The following SLC9A9 variants were observed in gnomAD, a reference collection of about 807,000 sequenced individuals.
SLC9A9 encodes the protein solute carrier family 9 member A9.
In SLC9A9, 62 loss-of-function variants were observed where a neutral mutation model predicts 77.8. The ratio of observed to expected loss-of-function variants is 0.80; its 90% CI spans 0.65 to 0.98. The LOEUF (loss-of-function observed/expected upper bound fraction) is 0.98, where lower values mean the gene tolerates loss of function less well. Ranked by LOEUF, SLC9A9 falls within the 50% of genes least tolerant of loss-of-function variation. The pLI is 0.00. For missense variants in SLC9A9, 775 were observed against 774.9 expected (o/e 1.00, Z 0.00); for synonymous variants, 320 against 283.5 (o/e 1.13, Z -1.29).
intron 14 of SLC9A9, among the ~76,000 whole-genome samples, chr3:143,336,492 T>G (rs1177965895): frequency 6.6e-6 from 1 of 152,182 alleles, no homozygotes; most frequent in African/African-American, 2.4e-5. Flanking sequence ...GAAGCCCATA[T>G]GCTCATCAGT....
chr3:143,294,590 A>G (rs1246848137), intron 14 of SLC9A9, among the ~76,000 whole-genome samples: 1 of 152,224 alleles, frequency 6.6e-6, no homozygotes, highest in Non-Finnish European at 1.5e-5. Flanking sequence ...TTATAGACAA[A>G]GGAGGGCCTG....
intron 13 of SLC9A9, among the ~76,000 whole-genome samples, chr3:143,364,034 T>C (rs1270654666): frequency 1.3e-5 from 2 of 152,198 alleles, no homozygotes; most frequent in African/African-American, 2.4e-5. Flanking sequence ...GATATATTTC[T>C]GCCTAGATTA....
At chr3:143,311,494 C>T (rs2031016588) in intron 14 of SLC9A9, among the ~76,000 whole-genome samples, 1 of 152,188 alleles carries the variant, frequency 6.6e-6, no homozygotes, top group African/African-American at 2.4e-5. Context: ...AAATTCTTCT[C>T]TAGGAGCCAG....
intron 14 of SLC9A9, among the ~76,000 whole-genome samples, chr3:143,348,212 T>C (rs2032350775): frequency 6.6e-6 from 1 of 152,160 alleles, no homozygotes; most frequent in African/African-American, 2.4e-5. Context: ...GTTGCCAGGA[T>C]GGTCTTGATC....
chr3:143,708,477 T>C (rs1272922001), intron 4 of SLC9A9, among the ~76,000 whole-genome samples: 1 of 152,200 alleles, frequency 6.6e-6, no homozygotes, highest in Admixed American at 6.5e-5. Flanking sequence ...CTCACCTTTC[T>C]TTCCTCTCTG....
At chr3:143,748,126 C>A (rs773720011) in intron 4 of SLC9A9, among the ~76,000 whole-genome samples, 3 of 152,206 alleles carry the variant, frequency 2.0e-5, no homozygotes, top group African/African-American at 4.8e-5. Flanking sequence ...TTGAACTAGC[C>A]TTCTTGATCA....
At chr3:143,593,844 C>A (rs2037704218) in intron 6 of SLC9A9, among the ~76,000 whole-genome samples, 1 of 152,162 alleles carries the variant, frequency 6.6e-6, no homozygotes, top group Non-Finnish European at 1.5e-5. Flanking sequence ...AAGACCCAGG[C>A]AACCTCAACC....
chr3:143,656,014 A>G (rs1304119652), intron 5 of SLC9A9, among the ~76,000 whole-genome samples: 1 of 152,126 alleles, frequency 6.6e-6, no homozygotes, highest in African/African-American at 2.4e-5. Flanking sequence ...AGGATGAGAA[A>G]ACTGCTGGAG....
intron 6 of SLC9A9, among the ~76,000 whole-genome samples, chr3:143,651,495 G>A (rs2038794579): frequency 6.6e-6 from 1 of 152,180 alleles, no homozygotes; most frequent in African/African-American, 2.4e-5. Context: ...TTAACACCCA[G>A]AATAGAATCT....
In SLC9A9 at chr3:143,523,330, A is replaced by C. The variant is rs553501009; in HGVS notation, c.1090-27882T>G. Among the ~76,000 whole-genome samples the C allele has an allele frequency of 8.5e-5, 13 of 152,292 alleles. No individual in the cohort carries two copies. The South Asian group carries it at 2.5e-3, about 29-fold the overall frequency. ...CATTGAAATGAAAAATCTGTATAGA[A>C]ATAGCTTTTTGTCTTTTACAATACT... On this transcript the variant is annotated intron_variant, in intron 9 of 15. Coordinates refer to ENST00000316549, the MANE Select transcript of SLC9A9 (RefSeq NM_173653.4).
chr3:143,583,606 T>C (rs934652490), intron 6 of SLC9A9, among the ~76,000 whole-genome samples: 1 of 152,242 alleles, frequency 6.6e-6, no homozygotes, highest in Non-Finnish European at 1.5e-5. Context: ...AAACCACTTT[T>C]ATCTCAGTTT....
At chr3:143,623,298 C>T (rs1341162204) in intron 6 of SLC9A9, among the ~76,000 whole-genome samples, 1 of 152,214 alleles carries the variant, frequency 6.6e-6, no homozygotes, top group African/African-American at 2.4e-5. Flanking sequence ...CACCCCAAAT[C>T]AACAGAATAT....
At chr3:143,546,486 G>A (rs575686886) in intron 9 of SLC9A9, among the ~76,000 whole-genome samples, 1 of 152,186 alleles carries the variant, frequency 6.6e-6, no homozygotes, top group Non-Finnish European at 1.5e-5. Flanking sequence ...TTTTCAAAAA[G>A]AGCAGAATCA....
intron 9 of SLC9A9, among the ~76,000 whole-genome samples, chr3:143,520,273 A>G (rs12107201): frequency 0.11 from 17,072 of 152,196 alleles, 1,733 homozygotes; most frequent in East Asian, 0.43. Flanking sequence ...TTAAGTTTGA[A>G]TGAGATCATG....
intron 14 of SLC9A9, among the ~76,000 whole-genome samples, chr3:143,354,128 G>A (rs116446047): frequency 0.02 from 3,013 of 152,116 alleles, 101 homozygotes; most frequent in African/African-American, 0.069. Context: ...AGGCTCTCTC[G>A]CATCTATTCA....
At chr3:143,796,978 G>T in intron 2 of SLC9A9, 75 bp from the exon 3 acceptor site, 1 of 1,185,354 alleles carries the variant, frequency 8.4e-7, no homozygotes, top group Non-Finnish European at 1.2e-6. Flanking sequence ...TCAAAAAACA[G>T]TTGTAATTGC....
At chr3:143,578,538 T>C (rs1422504777) in intron 7 of SLC9A9, 47 bp downstream of exon 7, 1 of 1,613,158 alleles carries the variant, frequency 6.2e-7, no homozygotes, top group Admixed American at 1.7e-5. Flanking sequence ...CCATGGATAC[T>C]GACTGTTCTT....
intron 9 of SLC9A9, among the ~76,000 whole-genome samples, chr3:143,500,112 AT>A (rs923659466): frequency 1.2e-4 from 18 of 149,396 alleles, no homozygotes; most frequent in East Asian, 5.8e-4. Flanking sequence ...CTAGGCTTGG[AT>A]TTTTTTTTTG....
At chr3:143,847,566 G>A (rs1241697001) in intron 1 of SLC9A9, 1 of 153,388 alleles carries the variant, frequency 6.5e-6, no homozygotes. Flanking sequence ...AGGCTAAGAA[G>A]TAAAAAGTAC....
Sources: gnomAD v4.1 joint callset for allele counts (sites outside exome capture counted in the v4.1 genomes callset) on GRCh38, gnomAD v4.1.1 for gene constraint, MANE v1.5 for transcripts, NCBI Gene and HGNC (gene_info 2026-07-23, HGNC 2026-07-21) for gene names.